The following MCTP2 variants were observed in gnomAD, a reference collection of about 807,000 sequenced individuals.
MCTP2 encodes multiple C2 and transmembrane domain containing 2.
Under a neutral mutation model 111.6 loss-of-function variants are expected in MCTP2, and 132 were observed. That is an observed-to-expected ratio of 1.18 (90% CI 1.03 to 1.37). MCTP2 has a LOEUF of 1.37. Ranked by LOEUF, MCTP2 falls within the 40% of genes most tolerant of loss-of-function variation. The pLI is 0.00. For missense variants in MCTP2, 1,183 were observed against 1,067.9 expected, an observed-to-expected ratio of 1.11 and a Z score of -1.50; for synonymous variants, 395 against 387.7, an observed-to-expected ratio of 1.02 and a Z score of -0.22.
intron 1 of MCTP2, among the ~76,000 whole-genome samples, chr15:94,250,931 A>T (rs554005360): frequency 1.6e-4 from 25 of 152,328 alleles, no homozygotes; most frequent in African/African-American, 5.8e-4. Context: ...AGTTTAAGAA[A>T]ATGTCTTATC....
At chr15:94,365,614 T>C (rs961702207) in intron 10 of MCTP2, among the ~76,000 whole-genome samples, 5 of 152,224 alleles carry the variant, frequency 3.3e-5, no homozygotes, top group African/African-American at 1.2e-4. Context: ...ACAGCGTTAC[T>C]AGAGTACTCT....
chr15:94,420,246 A>C (rs973001167), intron 17 of MCTP2, among the ~76,000 whole-genome samples: 1 of 152,138 alleles, frequency 6.6e-6, no homozygotes, highest in African/African-American at 2.4e-5. Context: ...TGCTCATCGA[A>C]CATGTACCTA....
rs768581375 is a variant in MCTP2 at position 94,470,398 on chromosome 15, TC to T, written c.2427del (p.Ile810PhefsTer12). Reference sequence around the variant, plus strand: ...TGTTTGATTCTGGCAGCAGCCACCATCATTTTGTATTTCATTCCACTGCGGT... The same window carrying T: ...TGTTTGATTCTGGCAGCAGCCACCATATTTTGTATTTCATTCCACTGCGGT... ...LACLILAAATIILYFIPLRYI... is the reference protein window; with the variant it reads ...LACLILAAATXILYFIPLRYI... On this transcript the variant is annotated frameshift_variant, in exon 21 of 23. Transcript: ENST00000357742. LOFTEE classifies it high-confidence loss of function. 6 of 1,613,872 alleles carry T rather than the reference TC, an allele frequency of 3.7e-6. No homozygotes were observed. The highest frequency in any genetic ancestry group is 5.1e-6 in the Non-Finnish European group (6 of 1,179,836).
intron 3 of MCTP2, 138 bp from the exon 4 acceptor site, chr15:94,315,391 T>G: frequency 1.6e-6 from 1 of 609,488 alleles, no homozygotes; most frequent in Non-Finnish European, 2.9e-6. Flanking sequence ...CAAGTTGTCA[T>G]AGTGAGGAGG....
intron 2 of MCTP2, among the ~76,000 whole-genome samples, chr15:94,313,532 C>G (rs1382709004): frequency 4.6e-5 from 7 of 152,072 alleles, no homozygotes. Flanking sequence ...GAAACCCTAT[C>G]TCTACTAAAA....
At chr15:94,402,263 A>G (rs554429971) in intron 17 of MCTP2, 65 of 979,832 alleles carry the variant, frequency 6.6e-5, no homozygotes, top group African/African-American at 1.8e-5. Flanking sequence ...TGTTACAGCT[A>G]CATTTGTATA....
chr15:94,424,732 ACTT>A (rs2082795721), intron 17 of MCTP2, among the ~76,000 whole-genome samples: 1 of 152,164 alleles, frequency 6.6e-6, no homozygotes, highest in South Asian at 2.1e-4. Flanking sequence ...GCGTTATCTG[ACTT>A]CTTAATTTTG....
chr15:94,443,069 T>C (rs2083881093), intron 19 of MCTP2, 109 bp downstream of exon 19: 4 of 743,012 alleles, frequency 5.4e-6, no homozygotes, highest in Middle Eastern at 2.4e-4. Context: ...TTTTTTAATA[T>C]GATAGAGTTA....
chr15:94,424,087 C>G (rs982584538), intron 17 of MCTP2, among the ~76,000 whole-genome samples: 2 of 152,120 alleles, frequency 1.3e-5, no homozygotes, highest in Non-Finnish European at 1.5e-5. Flanking sequence ...TGTCTTTCAA[C>G]AATGTGTTCA....
chr15:94,404,581 G>C (rs1288797365), intron 17 of MCTP2, among the ~76,000 whole-genome samples: 1 of 152,140 alleles, frequency 6.6e-6, no homozygotes, highest in South Asian at 2.1e-4. Context: ...TTACAGGCTT[G>C]AGCCACCGCA....
At chr15:94,463,913 C>G (rs559803775) in intron 20 of MCTP2, among the ~76,000 whole-genome samples, 23 of 152,020 alleles carry the variant, frequency 1.5e-4, no homozygotes, top group Non-Finnish European at 3.2e-4. Context: ...ATCTTACATT[C>G]TTGGAATAAA....
Position 94,464,239 on chromosome 15 carries a change from A to ATT in MCTP2, c.2360+5993_2360+5994insTT, listed in dbSNP as rs1491418827. ...TGAAATATTATATGTTTATATATATAATATATATATATATATATTATATAT... is the reference window on the plus strand; with the variant it reads ...TGAAATATTATATGTTTATATATATATTATATATATATATATATATTATATAT... On this transcript the variant is annotated intron_variant, in intron 20 of 22. Transcript: ENST00000357742. Among the ~76,000 whole-genome samples, 60 of 89,330 alleles carry ATT rather than the reference A, an allele frequency of 6.7e-4. 2 individuals carry two copies. The East Asian group carries it at 0.013, about 19-fold the overall frequency. 58.6% of individuals were successfully genotyped at this position (89,330 alleles called of 152,430 possible).
At chr15:94,364,318 C>T (rs1012003834) in intron 10 of MCTP2, among the ~76,000 whole-genome samples, 1 of 152,136 alleles carries the variant, frequency 6.6e-6, no homozygotes, top group African/African-American at 2.4e-5. Flanking sequence ...ATTAGCCCCT[C>T]ACACCTGCCC....
At chr15:94,236,026 A>G (rs1482242733) in intron 1 of MCTP2, among the ~76,000 whole-genome samples, 1 of 152,254 alleles carries the variant, frequency 6.6e-6, no homozygotes, top group Non-Finnish European at 1.5e-5. Context: ...TTAAAATTTC[A>G]TGAGTGAATA....
intron 10 of MCTP2, among the ~76,000 whole-genome samples, chr15:94,359,121 C>T (rs767935428): frequency 1.3e-4 from 20 of 152,008 alleles, no homozygotes; most frequent in Non-Finnish European, 2.2e-4. Flanking sequence ...ACAATAATAT[C>T]AATATTATTG....
rs181396073 is a variant in MCTP2, at chr15:94,467,583, G to T, written c.2361-2750G>T. Among the ~76,000 whole-genome samples the T allele has an allele frequency of 6.7e-4, 102 of 152,084 alleles. 1 individual carries two copies. The highest frequency in any genetic ancestry group is 6.3e-4 in the Non-Finnish European group (43 of 67,976). On this transcript the variant is annotated intron_variant, in intron 20 of 22. Coordinates refer to ENST00000357742, the MANE Select transcript of MCTP2 (RefSeq NM_001385001.1). Reference sequence around the variant, plus strand: ...ATTCTCACCTTTTTTTTAAAGCTGCGTAGCGTTGCAGAGTATAAATCTAAT... The same window carrying T: ...ATTCTCACCTTTTTTTTAAAGCTGCTTAGCGTTGCAGAGTATAAATCTAAT...
chr15:94,374,834 C>A (rs1260329676), intron 12 of MCTP2, among the ~76,000 whole-genome samples: 1 of 152,060 alleles, frequency 6.6e-6, no homozygotes, highest in Admixed American at 6.6e-5. Context: ...CCAAGAGTAG[C>A]AACAAAGCAA....
chr15:94,372,281 T>C (rs1177023698), intron 12 of MCTP2, among the ~76,000 whole-genome samples: 1 of 152,228 alleles, frequency 6.6e-6, no homozygotes, highest in Non-Finnish European at 1.5e-5. Flanking sequence ...TGTCATTAGC[T>C]AAACATGTGT....
At chr15:94,448,165 C>G (rs1296281987) in intron 19 of MCTP2, among the ~76,000 whole-genome samples, 3 of 152,174 alleles carry the variant, frequency 2.0e-5, no homozygotes, top group Non-Finnish European at 2.9e-5. Flanking sequence ...AAAAATCAAA[C>G]TCTCATTCTT....
Sources: gnomAD v4.1 joint callset for allele counts (sites outside exome capture counted in the v4.1 genomes callset) on GRCh38, gnomAD v4.1.1 for gene constraint, MANE v1.5 for transcripts, NCBI Gene and HGNC (gene_info 2026-07-23, HGNC 2026-07-21) for gene names.